The following ESR2 variants were observed in gnomAD, a reference collection of about 807,000 sequenced individuals.
The protein encoded by ESR2 is estrogen receptor beta.
In ESR2, 36 loss-of-function variants were observed where a neutral mutation model predicts 49.6. The observed-to-expected ratio is 0.73, with a 90% CI of 0.56 to 0.96. The LOEUF is 0.96. Ranked by LOEUF, ESR2 falls within the 40% of genes least tolerant of loss-of-function variation. ESR2 has a pLI of 0.00. For missense variants in ESR2, 714 were observed against 693.0 expected (o/e 1.03, Z -0.34); for synonymous variants, 320 against 266.1 (o/e 1.20, Z -1.97).
intron 1 of ESR2, among the ~76,000 whole-genome samples, chr14:64,303,276 AAC>A (rs1159639144): frequency 6.6e-6 from 1 of 152,066 alleles, no homozygotes; most frequent in East Asian, 1.9e-4. Context: ...GATAGAAGTG[AAC>A]ACTTCTTGGC....
At chr14:64,261,226 A>ATTTTTATTT (rs1567754632) in intron 4 of ESR2, among the ~76,000 whole-genome samples, 2 of 70,758 alleles carry the variant, frequency 2.8e-5, no homozygotes, top group African/African-American at 6.9e-5. Flanking sequence ...TAATGCTTTT[A>ATTTTTATTT]TTTTTCTTTT....
At chr14:64,307,988 A>G (rs1229671038) in intron 1 of ESR2, among the ~76,000 whole-genome samples, 1 of 151,024 alleles carries the variant, frequency 6.6e-6, no homozygotes, top group Non-Finnish European at 1.5e-5. Context: ...TCTTTTTCTA[A>G]TTTCGTTTTT....
At chr14:64,299,907 C>T (rs1302603336) in intron 1 of ESR2, among the ~76,000 whole-genome samples, 1 of 152,200 alleles carries the variant, frequency 6.6e-6, no homozygotes, top group Non-Finnish European at 1.5e-5. Flanking sequence ...CTCCTCTCCC[C>T]TCACATTGTT....
At chr14:64,247,746 T>A (rs1054179579) in intron 7 of ESR2, among the ~76,000 whole-genome samples, 1 of 152,182 alleles carries the variant, frequency 6.6e-6, no homozygotes, top group Non-Finnish European at 1.5e-5. Context: ...ACCAGGTAGA[T>A]CGTGAAATGA....
intron 3 of ESR2, among the ~76,000 whole-genome samples, chr14:64,276,791 T>G (rs193272535): frequency 3.3e-4 from 50 of 152,316 alleles, no homozygotes; most frequent in African/African-American, 1.1e-3. Flanking sequence ...TCTGGAAATT[T>G]AACAACAGAA....
At chr14:64,256,761 CA>C (rs1209380424) in intron 6 of ESR2, among the ~76,000 whole-genome samples, 1 of 148,968 alleles carries the variant, frequency 6.7e-6, no homozygotes, top group Non-Finnish European at 1.5e-5. Flanking sequence ...CAAAACAAAA[CA>C]AAAAAAAACA....
chr14:64,328,574 C>T (rs1354438303), intron 1 of ESR2, among the ~76,000 whole-genome samples: 1 of 152,188 alleles, frequency 6.6e-6, no homozygotes, highest in Non-Finnish European at 1.5e-5. Context: ...GGACATCACA[C>T]ACGGTATCTC....
intron 1 of ESR2, among the ~76,000 whole-genome samples, chr14:64,316,635 CCT>C (rs1476724823): frequency 1.3e-5 from 2 of 151,390 alleles, no homozygotes; most frequent in Non-Finnish European, 2.9e-5. Context: ...ATGGTGAAAC[CCT>C]GTCTCTACTA....
At chr14:64,334,158 C>T (rs935668537) in intron 1 of ESR2, among the ~76,000 whole-genome samples, 3 of 152,110 alleles carry the variant, frequency 2.0e-5, no homozygotes, top group Admixed American at 1.3e-4. Flanking sequence ...TACTTTGGGC[C>T]ATACTTGTTT....
At chr14:64,251,298 T>C (rs1362219625) in intron 6 of ESR2, among the ~76,000 whole-genome samples, 1 of 130,744 alleles carries the variant, frequency 7.6e-6, no homozygotes, top group Non-Finnish European at 1.6e-5. Context: ...TGAAAATATC[T>C]CTATGGGGCA....
intron 1 of ESR2, among the ~76,000 whole-genome samples, chr14:64,334,081 T>C (rs563849395): frequency 9.8e-4 from 150 of 152,304 alleles, no homozygotes; most frequent in Admixed American, 3.1e-3. Context: ...AATTATTTTT[T>C]AAAAGAGTAA....
At chr14:64,227,745 C>T (rs2098722921), downstream of ESR2, 24 of 1,550,554 alleles carry the variant, frequency 1.5e-5, no homozygotes, top group Non-Finnish European at 2.1e-5. Flanking sequence ...GGTTTGCTCC[C>T]CATCTCCAGG....
chr14:64,256,023 T>C (rs2076089226), intron 6 of ESR2, among the ~76,000 whole-genome samples: 1 of 152,256 alleles, frequency 6.6e-6, no homozygotes, highest in African/African-American at 2.4e-5. Flanking sequence ...GGTCTTCTGA[T>C]GATCTAAAGT....
chr14:64,227,993 T>C, downstream of ESR2: 10 of 1,557,844 alleles, frequency 6.4e-6, no homozygotes, highest in Non-Finnish European at 8.6e-6. Context: ...AAATAATCGA[T>C]GCACTGGATA....
chr14:64,268,765 T>C, intron 4 of ESR2, 30 bp downstream of exon 4: 1 of 1,306,532 alleles, frequency 7.7e-7, no homozygotes, highest in Non-Finnish European at 1.1e-6. Context: ...GCAAGGCCCA[T>C]ATTCAATAAG....
intron 1 of ESR2, among the ~76,000 whole-genome samples, chr14:64,308,389 T>C (rs2077138833): frequency 6.6e-6 from 1 of 152,186 alleles, no homozygotes; most frequent in Non-Finnish European, 1.5e-5. Context: ...CAAGTTTTAT[T>C]ATCTTGTGTT....
intron 1 of ESR2, chr14:64,303,515 G>T (rs1466821374): frequency 1.3e-5 from 2 of 151,664 alleles, no homozygotes; most frequent in African/African-American, 4.9e-5. Flanking sequence ...TTCTCCTCCT[G>T]CTCCCTCTAT....
At chr14:64,332,807 A>G (rs1342746682) in intron 1 of ESR2, among the ~76,000 whole-genome samples, 1 of 151,632 alleles carries the variant, frequency 6.6e-6, no homozygotes, top group Non-Finnish European at 1.5e-5. Context: ...CTCAAAAAAA[A>G]AAAAAAGGGT....
chr14:64,277,443 C>G (rs539969021), intron 3 of ESR2, among the ~76,000 whole-genome samples: 34 of 151,700 alleles, frequency 2.2e-4, no homozygotes, highest in Admixed American at 6.6e-4. Context: ...GGCTAACATG[C>G]CGAAACCCTG....
Sources: allele counts gnomAD v4.1 joint callset (sites outside exome capture counted in the v4.1 genomes callset), GRCh38; gene constraint gnomAD v4.1.1; transcripts MANE v1.5; gene names NCBI Gene and HGNC (gene_info 2026-07-23, HGNC 2026-07-21).